The following PTPRN2 variants were observed in gnomAD, a reference collection of about 807,000 sequenced individuals.
PTPRN2 encodes the protein protein tyrosine phosphatase receptor type N2.
PTPRN2 carries 74 observed loss-of-function variants against 118.8 expected under a neutral mutation model. The observed-to-expected ratio is 0.62, with a 90% CI of 0.52 to 0.76. The LOEUF is 0.76. Ranked by LOEUF, PTPRN2 falls within the 30% of genes least tolerant of loss-of-function variation. The pLI, the probability that PTPRN2 is intolerant of heterozygous loss-of-function variation, is 0.00. For missense variants in PTPRN2, 1,481 were observed against 1,394.4 expected (o/e 1.06, Z -0.99); for synonymous variants, 641 against 608.0 (o/e 1.05, Z -0.80).
At chr7:158,508,007 T>C (rs7789747) in intron 1 of PTPRN2, among the ~76,000 whole-genome samples, 38,781 of 142,376 alleles carry the variant, frequency 0.27, 5,453 homozygotes, top group East Asian at 0.45. Flanking sequence ...GGAAATTGCA[T>C]ACACAGAGGT....
At chr7:158,152,525 G>T (rs1218174413) in intron 6 of PTPRN2, among the ~76,000 whole-genome samples, 4 of 152,220 alleles carry the variant, frequency 2.6e-5, no homozygotes, top group Non-Finnish European at 5.9e-5. Context: ...GGGAAGGGGA[G>T]AGCTGGTCCC....
intron 3 of PTPRN2, among the ~76,000 whole-genome samples, chr7:158,262,580 GCACACACATT>G (rs145179373): frequency 0.039 from 4,311 of 110,138 alleles, 109 homozygotes; most frequent in African/African-American, 0.093. Flanking sequence ...TTCACACACA[GCACACACATT>G]CACACACATT....
In PTPRN2 at chr7:158,176,215, C is replaced by T. The variant is rs115566172; in HGVS notation, c.550-8924G>A. 7.8e-3 allele frequency among the ~76,000 whole-genome samples: 1,195 copies of T among 152,286 alleles called. 21 individuals carry two copies. The highest frequency in any genetic ancestry group is 0.027 in the African/African-American group (1,112 of 41,548). ...AAGCAGCGAGTTCCAATCCATGTCC[C>T]GTCCACCTTGGCCTGGGGTTAGAGG... On this transcript the variant is annotated intron_variant, in intron 5 of 22. Coordinates refer to ENST00000389418, the MANE Select transcript of PTPRN2 (RefSeq NM_002847.5).
At chr7:157,601,683 T>C (rs1801675489) in intron 16 of PTPRN2, among the ~76,000 whole-genome samples, 1 of 152,256 alleles carries the variant, frequency 6.6e-6, no homozygotes, top group Non-Finnish European at 1.5e-5. Context: ...TGGGCACTGC[T>C]GCCCACGCTG....
rs561252587 is a variant in PTPRN2, at chr7:158,052,576, C to G, written c.1723+28722G>C. Among the ~76,000 whole-genome samples the G allele has an allele frequency of 1.9e-4, 29 of 151,950 alleles. No individual in the cohort carries two copies. The South Asian group carries it at 6.0e-3, about 32-fold the overall frequency. On this transcript the variant is annotated intron_variant, in intron 11 of 22. Transcript: ENST00000389418. ...CCTCGTGGGGGCCGTGGAGGGGCGCCCTTCGGACCTCCTGGAGAGGGTAGA... is the reference window on the plus strand; with the variant it reads ...CCTCGTGGGGGCCGTGGAGGGGCGCGCTTCGGACCTCCTGGAGAGGGTAGA...
chr7:158,174,192 G>A (rs545584448), intron 5 of PTPRN2, among the ~76,000 whole-genome samples: 1 of 152,300 alleles, frequency 6.6e-6, no homozygotes, highest in South Asian at 2.1e-4. Flanking sequence ...ACTGATAAAT[G>A]TCCATGAAGT....
At chr7:158,443,248 C>CTTCCGTGGCTCAGCCCAGG (rs1817483862) in intron 2 of PTPRN2, among the ~76,000 whole-genome samples, 2 of 152,056 alleles carry the variant, frequency 1.3e-5, no homozygotes, top group Non-Finnish European at 2.9e-5. Flanking sequence ...CTCAGCCCAG[C>CTTCCGTGGCTCAGCCCAGG]GGCTCCCGCG....
At chr7:157,642,673 C>T (rs1804747085) in intron 14 of PTPRN2, among the ~76,000 whole-genome samples, 1 of 152,078 alleles carries the variant, frequency 6.6e-6, no homozygotes, top group Non-Finnish European at 1.5e-5. Flanking sequence ...ACCGTTAATT[C>T]GTGGACCTGT....
intron 12 of PTPRN2, among the ~76,000 whole-genome samples, chr7:157,719,624 C>T (rs1008094489): frequency 6.6e-6 from 1 of 152,190 alleles, no homozygotes; most frequent in African/African-American, 2.4e-5. Flanking sequence ...AAGGCATGAG[C>T]GCCCCCGGAG....
At chr7:157,954,709 C>T (rs189439159) in intron 11 of PTPRN2, among the ~76,000 whole-genome samples, 17 of 152,124 alleles carry the variant, frequency 1.1e-4, no homozygotes, top group African/African-American at 3.1e-4. Flanking sequence ...GCCTCCCTGC[C>T]GAGCCCCAGA....
intron 2 of PTPRN2, among the ~76,000 whole-genome samples, chr7:158,470,180 T>C (rs542767339): frequency 1.3e-5 from 2 of 152,358 alleles, no homozygotes; most frequent in East Asian, 3.9e-4. Context: ...AATATGGTTA[T>C]AGCATTTTAT....
intron 1 of PTPRN2, among the ~76,000 whole-genome samples, chr7:158,514,067 G>C (rs531111926): frequency 2.0e-5 from 3 of 152,148 alleles, no homozygotes; most frequent in African/African-American, 7.2e-5. Context: ...TCAACACCAC[G>C]GGCATCAAAT....
chr7:157,687,157 G>A lies in PTPRN2; in HGVS notation c.1789-4220C>T, dbSNP rs190148340. ...ATTTTGACCGTGCCCCTGAGTGGAG[G>A]TGCATGAGGCTTCCACCCCATGCCC... On this transcript the variant is annotated intron_variant, in intron 12 of 22. Transcript: ENST00000389418. Among the ~76,000 whole-genome samples, 12 of 152,210 alleles carry A rather than the reference G, an allele frequency of 7.9e-5. No homozygotes were observed. The East Asian group carries it at 2.3e-3, about 29-fold the overall frequency.
chr7:157,681,916 G>T (rs1294659669), intron 13 of PTPRN2, among the ~76,000 whole-genome samples: 1 of 152,222 alleles, frequency 6.6e-6, no homozygotes, highest in Admixed American at 6.5e-5. Context: ...TAAAACAGTG[G>T]TTAAGGAGTC....
chr7:158,097,227 G>A (rs762128619), intron 10 of PTPRN2, among the ~76,000 whole-genome samples: 1 of 152,108 alleles, frequency 6.6e-6, no homozygotes, highest in African/African-American at 2.4e-5. Flanking sequence ...GGTGGGAGAG[G>A]GGCAGGCACT....
chr7:157,973,334 A>G (rs935473111), intron 11 of PTPRN2, among the ~76,000 whole-genome samples: 1 of 152,050 alleles, frequency 6.6e-6, no homozygotes, highest in Non-Finnish European at 1.5e-5. Context: ...CAGATGTAAA[A>G]TAACAAATAG....
chr7:158,084,144 G>A lies in PTPRN2; in HGVS notation c.1644-2767C>T, dbSNP rs114442060. Reference sequence around the variant, plus strand: ...ATAAACTCTGGTGGCCAGGCCCAGCGGGTCTGCAGTAAACAGGGGCAACAC... The same window carrying A: ...ATAAACTCTGGTGGCCAGGCCCAGCAGGTCTGCAGTAAACAGGGGCAACAC... On this transcript the variant is annotated intron_variant, in intron 10 of 22. Coordinates refer to ENST00000389418, the MANE Select transcript of PTPRN2 (RefSeq NM_002847.5). 4.3e-3 allele frequency among the ~76,000 whole-genome samples: 658 copies of A among 152,282 alleles called. 4 individuals carry two copies. The highest frequency in any genetic ancestry group is 0.015 in the African/African-American group (626 of 41,562).
Position 158,316,911 on chromosome 7 carries a change from T to C in PTPRN2, c.185A>G (p.Gln62Arg). The C allele has an allele frequency of 6.2e-7, 1 of 1,612,446 alleles. No homozygotes were observed. Among genetic ancestry groups the C allele is most frequent in the Non-Finnish European group, 8.5e-7 (1 of 1,179,580 alleles). The change falls in exon 3 of 23, where the codon CAG (glutamine) becomes CGG (arginine). Residue 62 changes from glutamine (Q) to arginine (R), a missense_variant. Coordinates refer to ENST00000389418, the MANE Select transcript of PTPRN2 (RefSeq NM_002847.5). ...GTAAAAGTCCATTGCCGGAACCTTC[T>C]GGCACCTTCCAAACACTCCATCTGT... ...CVNDGVFGRC[Q>R]KVPAMDFYRY...
intron 3 of PTPRN2, among the ~76,000 whole-genome samples, chr7:158,265,644 G>C (rs537489550): frequency 6.6e-6 from 1 of 152,244 alleles, no homozygotes. Flanking sequence ...CCTCAGAGAA[G>C]TGCCTCAGCA....
Sources: allele counts gnomAD v4.1 joint callset (sites outside exome capture counted in the v4.1 genomes callset), GRCh38; gene constraint gnomAD v4.1.1; transcripts MANE v1.5; gene names NCBI Gene and HGNC (gene_info 2026-07-23, HGNC 2026-07-21).